PIK3C3: variants seen among roughly 807,000 people sequenced by gnomAD.
PIK3C3 encodes the protein PI3-kinase type 3.
PIK3C3 carries 95 observed loss-of-function variants against 126.1 expected under a neutral mutation model. That is an observed-to-expected ratio of 0.75 (90% CI 0.64 to 0.89). The LOEUF (loss-of-function observed/expected upper bound fraction) is 0.89, where lower values mean the gene tolerates loss of function less well. PIK3C3 is among the 40% of genes least tolerant of loss of function. PIK3C3 has a pLI of 0.00. For synonymous variants in PIK3C3, 374 were observed against 360.0 expected (o/e 1.04, Z -0.44); for missense variants, 829 against 1,063.2 (o/e 0.78, Z 3.06).
chr18:41,995,281 G>A (rs1469629773), intron 7 of PIK3C3, among the ~76,000 whole-genome samples: 3 of 151,652 alleles, frequency 2.0e-5, no homozygotes, highest in South Asian at 4.1e-4. Flanking sequence ...AAGGACAAAG[G>A]ACCATAAAGC....
intron 4 of PIK3C3, among the ~76,000 whole-genome samples, chr18:41,977,216 TTGTTACGAATACA>T (rs1980965729): frequency 6.6e-6 from 1 of 152,154 alleles, no homozygotes; most frequent in Non-Finnish European, 1.5e-5. Context: ...ATGGCTTCAG[TTGTTACGAATACA>T]TACTTCAAAA....
At chr18:41,958,694 T>C (rs1373793446) in intron 2 of PIK3C3, among the ~76,000 whole-genome samples, 1 of 152,154 alleles carries the variant, frequency 6.6e-6, no homozygotes, top group African/African-American at 2.4e-5. Flanking sequence ...TATATATATG[T>C]GTGTATATAG....
At chr18:41,983,803 G>A (rs1981327789) in intron 4 of PIK3C3, among the ~76,000 whole-genome samples, 1 of 152,070 alleles carries the variant, frequency 6.6e-6, no homozygotes, top group Non-Finnish European at 1.5e-5. Context: ...ACATCTTTTT[G>A]TTCTTTCATT....
rs766997602 is a variant in PIK3C3 at position 41,962,650 on chromosome 18, C to T, written c.401+18C>T. The T allele has an allele frequency of 6.8e-6, 11 of 1,607,070 alleles. No homozygotes were observed. The highest frequency in any genetic ancestry group is 8.5e-6 in the Non-Finnish European group (10 of 1,176,208). On this transcript the variant is annotated intron_variant, in intron 3 of 24. Transcript: ENST00000262039. ...AAATACGGGTAAGCATTCTGTTGGT[C>T]TCATCTGTAGGAGTGTAGCAGCTTT...
intron 10 of PIK3C3, among the ~76,000 whole-genome samples, chr18:42,010,331 T>A (rs532057545): frequency 6.6e-6 from 1 of 152,260 alleles, no homozygotes; most frequent in East Asian, 1.9e-4. Context: ...TTTTTTGCTA[T>A]TTCCGTGACT....
At chr18:41,996,794 A>G (rs1982047163) in intron 9 of PIK3C3, 64 bp downstream of exon 9, 1 of 823,398 alleles carries the variant, frequency 1.2e-6, no homozygotes, top group Non-Finnish European at 2.0e-6. Context: ...AATGATCAAG[A>G]TGAGGAAAAT....
At chr18:41,956,614 T>C (rs926705828) in intron 1 of PIK3C3, among the ~76,000 whole-genome samples, 4 of 140,552 alleles carry the variant, frequency 2.8e-5, no homozygotes, top group Non-Finnish European at 4.5e-5. Context: ...TGGGATGACG[T>C]TCTGCTTCTT....
intron 10 of PIK3C3, among the ~76,000 whole-genome samples, chr18:42,012,108 G>GACACAA (rs1982852357): frequency 6.6e-6 from 1 of 151,960 alleles, no homozygotes; most frequent in Non-Finnish European, 1.5e-5. Flanking sequence ...CAAAGACATG[G>GACACAA]AGTGAATGCA....
Position 42,040,474 on chromosome 18 carries a change from G to A in PIK3C3, c.2039-203G>A, listed in dbSNP as rs183788550. On this transcript the variant is annotated intron_variant, in intron 18 of 24. Coordinates refer to ENST00000262039, the MANE Select transcript of PIK3C3 (RefSeq NM_002647.4). ...CTAGAGAAACATACAGACTAAATCA[G>A]CTTAATTTAAAAAAAAAAAGTTTTC... 1.1e-4 allele frequency among the ~76,000 whole-genome samples: 17 copies of A among 151,514 alleles called. No homozygotes were observed. In the East Asian group the frequency reaches 2.1e-3, roughly 19 times the overall value.
intron 6 of PIK3C3, among the ~76,000 whole-genome samples, chr18:41,992,420 C>T (rs954673993): frequency 6.6e-6 from 1 of 152,126 alleles, no homozygotes; most frequent in Non-Finnish European, 1.5e-5. Context: ...AGTGCTTCCC[C>T]GCTTTCAGTC....
chr18:41,957,785 G>A, intron 2 of PIK3C3, 27 bp downstream of exon 2: 1 of 1,546,632 alleles, frequency 6.5e-7, no homozygotes, highest in Non-Finnish European at 8.8e-7. Flanking sequence ...CATATGGTAT[G>A]TTACAGACTG....
At chr18:41,959,839 C>T (rs1219633613) in intron 2 of PIK3C3, among the ~76,000 whole-genome samples, 1 of 152,058 alleles carries the variant, frequency 6.6e-6, no homozygotes, top group African/African-American at 2.4e-5. Flanking sequence ...AACATTTGCA[C>T]ATTTTATACA....
intron 24 of PIK3C3, among the ~76,000 whole-genome samples, chr18:42,078,614 A>G (rs1568015161): frequency 6.7e-6 from 1 of 149,562 alleles, no homozygotes; most frequent in African/African-American, 2.6e-5. Context: ...GAATCCAGAC[A>G]TTGACTTCCC....
chr18:42,052,760 T>A (rs948221909), intron 21 of PIK3C3: 3 of 152,180 alleles, frequency 2.0e-5, no homozygotes, highest in African/African-American at 7.2e-5. Context: ...GGAAATATAT[T>A]CCAATGTTTT....
rs1413196072 is a variant in PIK3C3 at position 42,087,013 on chromosome 18, C to G, written c.*5876C>G. 4 of 152,206 alleles carry G rather than the reference C, an allele frequency of 2.6e-5. No homozygotes were observed. Among genetic ancestry groups the G allele is most frequent in the Non-Finnish European group, 1.5e-5 (1 of 68,062 alleles). 9.4% of individuals were successfully genotyped at this position (152,206 alleles called of 1,614,324 possible). A position where few individuals can be genotyped will look rare whatever the true frequency, so the allele number is the denominator to read the frequency against. On this transcript the variant is annotated 3_prime_UTR_variant, in exon 25 of 25. Transcript: ENST00000262039. ...GCCAGTTTCCTTCTGTGGTGCAAAA[C>G]TAGGTGCTAAGTACACTTTTTCCCC...
chr18:41,956,061 G>C (rs1568107306), intron 1 of PIK3C3, among the ~76,000 whole-genome samples: 1 of 152,210 alleles, frequency 6.6e-6, no homozygotes, highest in South Asian at 2.1e-4. Flanking sequence ...GACAGAGTTG[G>C]AAATTATGTC....
At chr18:42,052,870 T>A (rs1984865490) in intron 21 of PIK3C3, 1 of 152,220 alleles carries the variant, frequency 6.6e-6, no homozygotes, top group Non-Finnish European at 1.5e-5. Context: ...CTTACATAAC[T>A]GTCCAATCTT....
chr18:42,038,157 C>T (rs1984141625), intron 17 of PIK3C3, among the ~76,000 whole-genome samples: 2 of 152,120 alleles, frequency 1.3e-5, no homozygotes, highest in Admixed American at 6.5e-5. Context: ...TTAAAAAGTA[C>T]ATGCTTGCCC....
intron 24 of PIK3C3, among the ~76,000 whole-genome samples, chr18:42,069,408 A>G (rs1985683799): frequency 6.6e-6 from 1 of 152,264 alleles, no homozygotes; most frequent in African/African-American, 2.4e-5. Context: ...AACAAGGGAC[A>G]AAACCAAGAC....
Sources: gnomAD v4.1 joint callset for allele counts (sites outside exome capture counted in the v4.1 genomes callset) on GRCh38, gnomAD v4.1.1 for gene constraint, MANE v1.5 for transcripts, NCBI Gene and HGNC (gene_info 2026-07-23, HGNC 2026-07-21) for gene names.